SPTB: variants seen among roughly 807,000 people sequenced by gnomAD.
The protein encoded by SPTB is spectrin beta chain, erythrocytic.
In SPTB, 45 loss-of-function variants were observed where a neutral mutation model predicts 256.2. That is an observed-to-expected ratio of 0.18 (90% CI 0.14 to 0.23). The LOEUF (loss-of-function observed/expected upper bound fraction) is 0.23. Ranked by LOEUF, SPTB falls within the 10% of genes least tolerant of loss-of-function variation. The pLI is 1.00. For synonymous variants in SPTB, 1,231 were observed against 1,243.1 expected (o/e 0.99, Z 0.21); for missense variants, 2,715 against 3,040.4 (o/e 0.89, Z 2.52).
In SPTB at chr14:64,792,507, C is replaced by T. The variant is rs1388388293; in HGVS notation, c.2666+490G>A. On this transcript the variant is annotated intron_variant, in intron 14 of 35. Coordinates refer to ENST00000644917, the MANE Select transcript of SPTB (RefSeq NM_001355436.2). The surrounding 1 kb of genome is among the most constrained non-coding windows in gnomAD (Gnocchi z 4.2). ...ATGCTGCACAGACTGGGGCATGCCT[C>T]ATCATCTGGGGTGCTGACAAAATCA... is the stretch of plus-strand genomic sequence containing the variant. Among the ~76,000 whole-genome samples, 1 of 152,152 alleles carries T rather than the reference C, an allele frequency of 6.6e-6. No homozygotes were observed. The highest frequency in any genetic ancestry group is 1.5e-5 in the Non-Finnish European group (1 of 68,016).
rs554439508 is a variant in SPTB, at chr14:64,841,993, C to T, written c.-51-18848G>A. Among the ~76,000 whole-genome samples, 12 of 152,330 alleles carry T rather than the reference C, an allele frequency of 7.9e-5. No individual in the cohort carries two copies. Among genetic ancestry groups the T allele is most frequent in the South Asian group, 2.1e-4 (1 of 4,828 alleles). ...TGGGCTACTCAGAAGTTCCACTGAA[C>T]GGCATGTCAGTGCCTTACCAATAGT... On this transcript the variant is annotated intron_variant, in intron 1 of 35. Coordinates refer to ENST00000644917, the MANE Select transcript of SPTB (RefSeq NM_001355436.2). This position sits in a 1 kb window ranked among gnomAD's most constrained non-coding sequence, Gnocchi z 4.6.
chr14:64,773,537 G>T, intron 24 of SPTB, 113 bp from the exon 25 acceptor site: 2 of 1,140,276 alleles, frequency 1.8e-6, no homozygotes, highest in Non-Finnish European at 2.6e-6. Flanking sequence ...TAGGTAGGGA[G>T]TGAAGCTCTG....
intron 8 of SPTB, among the ~76,000 whole-genome samples, chr14:64,800,416 C>T (rs1271215112): frequency 1.3e-5 from 2 of 152,218 alleles, no homozygotes; most frequent in African/African-American, 4.8e-5. Context: ...GGGTGAGTTT[C>T]TGGTACACTG....
intron 32 of SPTB, chr14:64,756,039 TAAGA>T (rs1236948227): frequency 1.3e-5 from 2 of 152,134 alleles, no homozygotes; most frequent in East Asian, 1.9e-4. Context: ...GATGGAGACA[TAAGA>T]TAGAGGCAGG....
At position 64,823,856 on chromosome 14, in the gene SPTB, C is replaced by T. The variant is rs982251673; in HGVS notation, c.-51-711G>A. On this transcript the variant is annotated intron_variant, in intron 1 of 35. Transcript: ENST00000644917. This position sits in a 1 kb window ranked among gnomAD's most constrained non-coding sequence, Gnocchi z 6.5. ...TTGAATTCCAGGACAGACTGAGCAA[C>T]CCAAAGGAGCCTGCTGTCCCATCAA... Among the ~76,000 whole-genome samples the T allele has an allele frequency of 2.6e-5, 4 of 152,188 alleles. No individual in the cohort carries two copies. The highest frequency in any genetic ancestry group is 5.9e-5 in the Non-Finnish European group (4 of 68,034).
At chr14:64,842,940 A>G (rs2139756683) in intron 1 of SPTB, among the ~76,000 whole-genome samples, 1 of 152,196 alleles carries the variant, frequency 6.6e-6, no homozygotes, top group South Asian at 2.1e-4. Flanking sequence ...GGTGGCACAC[A>G]CCTATAGTCT....
At position 64,792,765 on chromosome 14, in the gene SPTB, A is replaced by T. The variant is rs1332397184; in HGVS notation, c.2666+232T>A. On this transcript the variant is annotated intron_variant, in intron 14 of 35. Coordinates refer to ENST00000644917, the MANE Select transcript of SPTB (RefSeq NM_001355436.2). This position sits in a 1 kb window ranked among gnomAD's most constrained non-coding sequence, Gnocchi z 4.2. The stretch of plus-strand genomic sequence containing the variant: ...TGCTGAAAAGTAATTGAATAACTGG[A>T]CTAGATAAATTCCCTTTGTTTGAGG... 6.6e-6 allele frequency among the ~76,000 whole-genome samples: 1 copy of T among 152,158 alleles called. No homozygotes were observed. The highest frequency in any genetic ancestry group is 2.4e-5 in the African/African-American group (1 of 41,424).
At chr14:64,766,922 A>T in intron 31 of SPTB, 121 bp from the exon 32 acceptor site, 1 of 1,262,800 alleles carries the variant, frequency 7.9e-7, no homozygotes, top group African/African-American at 1.5e-5. Context: ...CCCTCCAGTC[A>T]GCCGGCAGCC....
In SPTB at chr14:64,779,620, G is replaced by T; in HGVS notation, c.4473+105C>A. ...AACCCTATGAGATAAGGGGTGAGGTGACCAGTCATCTACTGCCAAAAATTG... is the reference window on the plus strand; with the variant it reads ...AACCCTATGAGATAAGGGGTGAGGTTACCAGTCATCTACTGCCAAAAATTG... On this transcript the variant is annotated intron_variant, in intron 21 of 35. Transcript: ENST00000644917. This position sits in a 1 kb window ranked among gnomAD's most constrained non-coding sequence, Gnocchi z 4.2. 8.7e-7 allele frequency: 1 copy of T among 1,147,382 alleles called. No homozygotes were observed. The highest frequency in any genetic ancestry group is 1.3e-6 in the Non-Finnish European group (1 of 759,196). 71.1% of individuals were successfully genotyped at this position (1,147,382 alleles called of 1,614,324 possible). A position where few individuals can be genotyped will look rare whatever the true frequency, so the allele number is the denominator to read the frequency against.
chr14:64,782,228 T>C (rs2082483982), intron 20 of SPTB, 62 bp downstream of exon 20: 1 of 1,611,984 alleles, frequency 6.2e-7, no homozygotes, highest in African/African-American at 1.3e-5. Flanking sequence ...AATAAAGGTG[T>C]CAGACTGGCT....
In SPTB at chr14:64,786,054, T is replaced by G; in HGVS notation, c.3562-103A>C. ...ACGTGCAGCCACACAGGCCACGGTA[T>G]GAATGAGCCCCCTAGAGTAGTACAG... On this transcript the variant is annotated intron_variant, in intron 16 of 35. Transcript: ENST00000644917. The surrounding 1 kb of genome is among the most constrained non-coding windows in gnomAD (Gnocchi z 5.6). 11 of 1,188,304 alleles carry G rather than the reference T, an allele frequency of 9.3e-6. No individual in the cohort carries two copies. Among genetic ancestry groups the G allele is most frequent in the African/African-American group, 1.5e-5 (1 of 66,770 alleles). 73.6% of individuals were successfully genotyped at this position (1,188,304 alleles called of 1,614,324 possible). A position where few individuals can be genotyped will look rare whatever the true frequency, so the allele number is the denominator to read the frequency against.
chr14:64,752,067 C>T (rs535473959), intron 33 of SPTB: 4 of 756,168 alleles, frequency 5.3e-6, no homozygotes, highest in Non-Finnish European at 7.2e-6. Flanking sequence ...TCACTCCAGC[C>T]GGGGTGACAG....
chr14:64,858,603 G>A (rs1168346612), intron 1 of SPTB, among the ~76,000 whole-genome samples: 2 of 151,908 alleles, frequency 1.3e-5, no homozygotes, highest in African/African-American at 4.8e-5. Context: ...AGAGAAGGAA[G>A]GAAAAGAAGA....
Position 64,773,418 on chromosome 14 carries a change from C to G in SPTB, c.4980G>C (p.Gln1660His). The G allele has an allele frequency of 6.2e-7, 1 of 1,614,006 alleles. No individual in the cohort carries two copies. The highest frequency in any genetic ancestry group is 8.5e-7 in the Non-Finnish European group (1 of 1,180,042). The stretch of plus-strand genomic sequence containing the variant: ...CCACTTGCCCCTGAAGTCTGATGAT[C>G]TGTTCCCTGGAATTCAAAACCAAAA... ...LLSAGHPEGE[Q>H]IIRLQGQVDK... Residue 1660 changes from glutamine (Q) to histidine (H), a missense_variant, in exon 25 of 36, where the codon CAG (glutamine) becomes CAC (histidine). Physicochemically the swap from Gln to His is conservative, Grantham distance 24. Around this residue, in one of 4 missense-constraint regions of SPTB, gnomAD observed 2,239 missense variants for 2,384.4 expected, o/e 0.94. Transcript: ENST00000644917.
In SPTB at chr14:64,806,346, G is replaced by T. The variant is rs1055543606; in HGVS notation, c.149-1256C>A. On this transcript the variant is annotated intron_variant, in intron 2 of 35. Coordinates refer to ENST00000644917, the MANE Select transcript of SPTB (RefSeq NM_001355436.2). The surrounding 1 kb of genome is among the most constrained non-coding windows in gnomAD (Gnocchi z 4.1). ...CTTGGCAGTGAGGCTGGGCCTGAGG[G>T]TTGTGGAGGATCCCTGGGGAGGGTA... is the stretch of plus-strand genomic sequence containing the variant. Among the ~76,000 whole-genome samples the T allele has an allele frequency of 8.5e-5, 13 of 152,186 alleles. No individual in the cohort carries two copies. The highest frequency in any genetic ancestry group is 1.5e-4 in the Non-Finnish European group (10 of 68,040).
chr14:64,779,617 G>C lies in SPTB; in HGVS notation c.4473+108C>G, dbSNP rs974989738. ...AAGAACCCTATGAGATAAGGGGTGA[G>C]GTGACCAGTCATCTACTGCCAAAAA... On this transcript the variant is annotated intron_variant, in intron 21 of 35. Coordinates refer to ENST00000644917, the MANE Select transcript of SPTB (RefSeq NM_001355436.2). The surrounding 1 kb of genome is among the most constrained non-coding windows in gnomAD (Gnocchi z 4.2). The C allele has an allele frequency of 1.0e-4, 111 of 1,103,000 alleles. No individual in the cohort carries two copies. Among genetic ancestry groups the C allele is most frequent in the Non-Finnish European group, 1.4e-4 (99 of 719,322 alleles). The allele number at this position is 1,103,000 out of a possible 1,614,324, so 68.3% of individuals were successfully genotyped here. A position where few individuals can be genotyped will look rare whatever the true frequency, so the allele number is the denominator to read the frequency against.
rs1272260078 is a variant in SPTB at position 64,779,074 on chromosome 14, A to G, written c.4563+83T>C. 2.1e-6 allele frequency: 2 copies of G among 974,534 alleles called. No individual in the cohort carries two copies. The highest frequency in any genetic ancestry group is 3.1e-6 in the Non-Finnish European group (2 of 642,072). The allele number at this position is 974,534 out of a possible 1,614,324, so 60.4% of individuals were successfully genotyped here. A position where few individuals can be genotyped will look rare whatever the true frequency, so the allele number is the denominator to read the frequency against. On this transcript the variant is annotated intron_variant, in intron 22 of 35. Coordinates refer to ENST00000644917, the MANE Select transcript of SPTB (RefSeq NM_001355436.2). This position sits in a 1 kb window ranked among gnomAD's most constrained non-coding sequence, Gnocchi z 4.2. ...TAATCTGCTGTTGCTAGCCTTCTGC[A>G]GGTCAGGGCTGGGCCTACCCCCGTG... is the stretch of plus-strand genomic sequence containing the variant.
chr14:64,798,466 A>T (rs1293702065), intron 9 of SPTB, among the ~76,000 whole-genome samples: 1 of 152,212 alleles, frequency 6.6e-6, no homozygotes, highest in Admixed American at 6.5e-5. Context: ...CATATGGGGT[A>T]CAGGCTCCAG....
At chr14:64,768,847 C>T (rs537988592) in intron 29 of SPTB, among the ~76,000 whole-genome samples, 187 bp downstream of exon 29, 7 of 152,294 alleles carry the variant, frequency 4.6e-5, no homozygotes, top group South Asian at 4.1e-4. Flanking sequence ...CTTCCAGCAG[C>T]GTGTCTACTC....
Sources: gnomAD v4.1 joint callset for allele counts (sites outside exome capture counted in the v4.1 genomes callset) on GRCh38, gnomAD v4.1.1 for gene constraint, gnomAD v4.1.1 regional missense constraint, Gnocchi (gnomAD v3.1) non-coding constraint, MANE v1.5 for transcripts, NCBI Gene and HGNC (gene_info 2026-07-23, HGNC 2026-07-21) for gene names.